The following TMEM131L variants were observed in gnomAD, a reference collection of about 807,000 sequenced individuals.
TMEM131L encodes transmembrane protein 131-like.
In TMEM131L, 54 loss-of-function variants were observed where a neutral mutation model predicts 192.2. That is an observed-to-expected ratio of 0.28 (90% CI 0.23 to 0.35). TMEM131L has a LOEUF of 0.35. Among genes scored for constraint, TMEM131L ranks in the 10% least tolerant of loss-of-function variants. The pLI, the probability that TMEM131L is intolerant of heterozygous loss-of-function variation, is 1.00. For synonymous variants in TMEM131L, 701 were observed against 704.9 expected, an observed-to-expected ratio of 0.99 and a Z score of 0.09; for missense variants, 1,888 against 1,972.9, an observed-to-expected ratio of 0.96 and a Z score of 0.82.
At chr4:153,536,740 CTTCT>C (rs988815121) in intron 3 of TMEM131L, among the ~76,000 whole-genome samples, 1 of 150,120 alleles carries the variant, frequency 6.7e-6, no homozygotes, top group African/African-American at 2.4e-5. Context: ...CCCTCCCTCC[CTTCT>C]ATGTATATAT....
intron 3 of TMEM131L, among the ~76,000 whole-genome samples, chr4:153,508,678 A>ATTTTTTTTTTTTTT (rs555033353): frequency 1.4e-5 from 2 of 139,338 alleles, no homozygotes; most frequent in Non-Finnish European, 1.6e-5. Context: ...TTTTTTTTTA[A>ATTTTTTTTTTTTTT]TTTTTTTTTT....
intron 3 of TMEM131L, among the ~76,000 whole-genome samples, chr4:153,539,926 C>T (rs1025212909): frequency 6.6e-6 from 1 of 151,810 alleles, no homozygotes; most frequent in African/African-American, 2.4e-5. Flanking sequence ...GCCTGACCAA[C>T]GTGGAGAAAC....
chr4:153,570,213 T>C (rs147746329), intron 7 of TMEM131L, among the ~76,000 whole-genome samples: 144 of 152,254 alleles, frequency 9.5e-4, no homozygotes, highest in African/African-American at 3.2e-3. Flanking sequence ...GAATAACAGA[T>C]TATTAACTTC....
chr4:153,517,720 T>C (rs1438702645), intron 3 of TMEM131L, among the ~76,000 whole-genome samples: 1 of 152,176 alleles, frequency 6.6e-6, no homozygotes, highest in Non-Finnish European at 1.5e-5. Flanking sequence ...TCTTGGAAAA[T>C]GGTTATGATT....
intron 7 of TMEM131L, among the ~76,000 whole-genome samples, chr4:153,564,287 C>CAAAAAAAAAAAAAAAAA (rs1178320668): frequency 1.1e-4 from 2 of 17,650 alleles, no homozygotes; most frequent in African/African-American, 2.8e-4. Flanking sequence ...AACTCCGTCT[C>CAAAAAAAAAAAAAAAAA]AAAAAAAAAA....
intron 2 of TMEM131L, among the ~76,000 whole-genome samples, chr4:153,471,456 G>A (rs1214667741): frequency 6.6e-6 from 1 of 152,184 alleles, no homozygotes; most frequent in African/African-American, 2.4e-5. Context: ...AGAGGCAGTT[G>A]TCAGTGTCTT....
At chr4:153,550,023 A>G (rs535065838) in intron 3 of TMEM131L, 50 bp from the exon 4 acceptor site, 2 of 907,108 alleles carry the variant, frequency 2.2e-6, no homozygotes, top group South Asian at 3.5e-5. Flanking sequence ...ATATCTCAGC[A>G]TTTAAATGTT....
rs1183129921 is a variant in TMEM131L at position 153,556,795 on chromosome 4, C to G, written c.433-171C>G. Among the ~76,000 whole-genome samples, 3 of 152,274 alleles carry G rather than the reference C, an allele frequency of 2.0e-5. No individual in the cohort carries two copies. The East Asian group carries it at 5.8e-4, about 29-fold the overall frequency. On this transcript the variant is annotated intron_variant, in intron 5 of 34. Coordinates refer to ENST00000409959, the MANE Select transcript of TMEM131L (RefSeq NM_001131007.2). ...TGGTAATATTTGCTATATCTAAGAG[C>G]AGATAATTGGATGCTGATCAGTTTG...
At chr4:153,580,126 A>C (rs1730234432) in intron 7 of TMEM131L, among the ~76,000 whole-genome samples, 1 of 152,158 alleles carries the variant, frequency 6.6e-6, no homozygotes, top group Admixed American at 6.5e-5. Context: ...TTTTTGCTGT[A>C]TTCACATGCC....
At chr4:153,537,829 G>C (rs1736457872) in intron 3 of TMEM131L, among the ~76,000 whole-genome samples, 1 of 152,188 alleles carries the variant, frequency 6.6e-6, no homozygotes, top group Admixed American at 6.5e-5. Context: ...TGGTTCAAAA[G>C]CCTCTGACAA....
At position 153,607,569 on chromosome 4, in the gene TMEM131L, G is replaced by A. The variant is rs1228588485; in HGVS notation, c.3418+3139G>A. ...TTCTCCCAAAGTATACAAATGGTCTGTAGAAACCATTCTAGTCATAAGATT... is the reference window on the plus strand; with the variant it reads ...TTCTCCCAAAGTATACAAATGGTCTATAGAAACCATTCTAGTCATAAGATT... On this transcript the variant is annotated intron_variant, in intron 25 of 34. Transcript: ENST00000409959. Among the ~76,000 whole-genome samples, 6 of 152,282 alleles carry A rather than the reference G, an allele frequency of 3.9e-5. 1 individual carries two copies. Among genetic ancestry groups the A allele is most frequent in the Middle Eastern group, 3.4e-3 (1 of 294 alleles).
In TMEM131L at chr4:153,636,668, G is replaced by A; in HGVS notation, c.*92G>A. 1.6e-6 allele frequency: 2 copies of A among 1,273,412 alleles called. No homozygotes were observed. The highest frequency in any genetic ancestry group is 2.2e-6 in the Non-Finnish European group (2 of 925,394). The allele number at this position is 1,273,412 out of a possible 1,614,324, so 78.9% of individuals were successfully genotyped here. On this transcript the variant is annotated 3_prime_UTR_variant, in exon 35 of 35. Coordinates refer to ENST00000409959, the MANE Select transcript of TMEM131L (RefSeq NM_001131007.2). ...TATTGAGATAGATTATGACATTGGT[G>A]GATATTTTGGCACTTTTATATGAAA...
chr4:153,604,796 C>T (rs78063281), intron 25 of TMEM131L, among the ~76,000 whole-genome samples: 4,745 of 152,262 alleles, frequency 0.031, 163 homozygotes, highest in Admixed American at 0.092. Flanking sequence ...CCTCCGCCTC[C>T]TGGGTTCAAG....
At chr4:153,508,404 G>A (rs1057121351) in intron 3 of TMEM131L, among the ~76,000 whole-genome samples, 1 of 152,112 alleles carries the variant, frequency 6.6e-6, no homozygotes. Context: ...TAAAATGAAC[G>A]GAAACCATGA....
rs1364459400 is a variant in TMEM131L, at chr4:153,583,599, T to C, written c.987T>C (p.Ser329=). The change falls in exon 11 of 35, where the codon TCT becomes TCC. Residue 329 remains serine (S), a synonymous_variant. Coordinates refer to ENST00000409959, the MANE Select transcript of TMEM131L (RefSeq NM_001131007.2). The part of the protein sequence containing the change: ...IRHFSQRDAL[S]LQFEPVLLPT... ...ATTTCTCACAGAGAGATGCTCTGTC[T>C]CTGCAGTTTGAACCAGTACTACTAC... 6.2e-7 allele frequency: 1 copy of C among 1,612,418 alleles called. No individual in the cohort carries two copies. Among genetic ancestry groups the C allele is most frequent in the Admixed American group, 1.7e-5 (1 of 59,570 alleles).
At chr4:153,568,924 C>T (rs1226339264) in intron 7 of TMEM131L, among the ~76,000 whole-genome samples, 2 of 152,160 alleles carry the variant, frequency 1.3e-5, no homozygotes, top group Non-Finnish European at 1.5e-5. Context: ...GTTACTAACT[C>T]CTTCTCCCCT....
chr4:153,635,917 G>A (rs1357425753), intron 34 of TMEM131L, among the ~76,000 whole-genome samples: 1 of 152,050 alleles, frequency 6.6e-6, no homozygotes, highest in African/African-American at 2.4e-5. Flanking sequence ...TTACTTCACC[G>A]ATACGAGATG....
At chr4:153,525,651 A>C (rs953078030) in intron 3 of TMEM131L, among the ~76,000 whole-genome samples, 10 of 151,208 alleles carry the variant, frequency 6.6e-5, no homozygotes, top group African/African-American at 2.4e-4. Context: ...TTTTTCTTTC[A>C]GTTTCTTAAT....
rs1288194057 is a variant in TMEM131L at position 153,580,843 on chromosome 4, T to C, written c.678T>C (p.Thr226=). Residue 226 remains threonine, a synonymous_variant, in exon 8 of 35, where the codon ACT becomes ACC. Transcript: ENST00000409959. ...LSQMQAETTN[T]SLLQVQLECS... The stretch of plus-strand genomic sequence containing the variant: ...TCTTTTAGGCAGAAACCACTAATAC[T>C]AGCCTCTTGCAGGTGCAACTGGAAT... The C allele has an allele frequency of 4.3e-6, 7 of 1,611,996 alleles. No individual in the cohort carries two copies. The highest frequency in any genetic ancestry group is 5.9e-6 in the Non-Finnish European group (7 of 1,178,196).
Sources: allele counts gnomAD v4.1 joint callset (sites outside exome capture counted in the v4.1 genomes callset), GRCh38; gene constraint gnomAD v4.1.1; transcripts MANE v1.5; gene names NCBI Gene and HGNC (gene_info 2026-07-23, HGNC 2026-07-21).